FGF2: variants seen among roughly 807,000 people sequenced by gnomAD.
FGF2 encodes the protein basic fibroblast growth factor bFGF.
In FGF2, 13 loss-of-function variants were observed where a neutral mutation model predicts 15.9. That is an observed-to-expected ratio of 0.82 (90% CI 0.53 to 1.30). FGF2 has a LOEUF of 1.30. Among genes scored for constraint, FGF2 ranks in the 50% most tolerant of loss-of-function variants. The probability of loss-of-function intolerance (pLI) is 0.00; values close to 1 mark genes in which losing one functional copy is unlikely to be tolerated. For synonymous variants in FGF2, 90 were observed against 78.4 expected (o/e 1.15, Z -0.78); for missense variants, 163 against 196.9 (o/e 0.83, Z 1.03).
At chr4:122,876,496 T>C in intron 2 of FGF2, 72 bp downstream of exon 2, 1 of 930,532 alleles carries the variant, frequency 1.1e-6, no homozygotes, top group Non-Finnish European at 1.8e-6. Context: ...CATTGTTGTT[T>C]ATCAAATCTT....
rs1245179646 is a variant in FGF2 at position 122,893,735 on chromosome 4, A to G, written c.*1339A>G. The stretch of plus-strand genomic sequence containing the variant: ...TTTATAAGGTTGATTTTTCAATTAA[A>G]TGCAAATTTGTGTGGCAGGATTTTT... On this transcript the variant is annotated 3_prime_UTR_variant, in exon 3 of 3. Transcript: ENST00000644866. 6.6e-6 allele frequency: 1 copy of G among 152,256 alleles called. No individual in the cohort carries two copies. Among genetic ancestry groups the G allele is most frequent in the Non-Finnish European group, 1.5e-5 (1 of 68,068 alleles). 9.4% of individuals were successfully genotyped at this position (152,256 alleles called of 1,614,324 possible). A position where few individuals can be genotyped will look rare whatever the true frequency, so the allele number is the denominator to read the frequency against.
At chr4:122,847,002 G>A (rs1726126307) in intron 1 of FGF2, among the ~76,000 whole-genome samples, 1 of 152,236 alleles carries the variant, frequency 6.6e-6, no homozygotes, top group Non-Finnish European at 1.5e-5. Flanking sequence ...ATTACAAGGG[G>A]CGCATTCCTC....
At chr4:122,891,032 T>G (rs546560809) in intron 2 of FGF2, among the ~76,000 whole-genome samples, 4,300 of 120,948 alleles carry the variant, frequency 0.036, 136 homozygotes, top group Non-Finnish European at 0.044. Context: ...TTTTTTTTTT[T>G]TTTGTTTTGT....
At chr4:122,882,124 C>T (rs139285497) in intron 2 of FGF2, 3,307 of 152,290 alleles carry the variant, frequency 0.022, 62 homozygotes, top group Non-Finnish European at 0.036. Context: ...GGGTCCCTCC[C>T]GCAACACATG....
chr4:122,831,679 C>G (rs1164426905), intron 1 of FGF2, among the ~76,000 whole-genome samples: 1 of 152,150 alleles, frequency 6.6e-6, no homozygotes, highest in Non-Finnish European at 1.5e-5. Context: ...ACCTTAGGAG[C>G]CTTTTAAGAT....
intron 1 of FGF2, among the ~76,000 whole-genome samples, chr4:122,851,994 T>A (rs370119513): frequency 1.3e-5 from 2 of 152,358 alleles, no homozygotes; most frequent in South Asian, 4.1e-4. Context: ...GCAGTGTGTT[T>A]AGGATAGTAC....
In FGF2 at chr4:122,881,195, G is replaced by A. The variant is rs1726954444; in HGVS notation, c.282+4771G>A. On this transcript the variant is annotated intron_variant, in intron 2 of 2. Coordinates refer to ENST00000644866, the MANE Select transcript of FGF2 (RefSeq NM_001361665.2). The stretch of plus-strand genomic sequence containing the variant: ...TTTTTCCTTGTAAACCTCTGGGCCT[G>A]TGATGGGAAGGACTGCTGCAAAGGT... Among the ~76,000 whole-genome samples, 3 of 152,272 alleles carry A rather than the reference G, an allele frequency of 2.0e-5. No homozygotes were observed. In the South Asian group the frequency reaches 6.2e-4, roughly 32 times the overall value.
chr4:122,847,233 G>T lies in FGF2; in HGVS notation c.178+19881G>T, dbSNP rs144153877. On this transcript the variant is annotated intron_variant, in intron 1 of 2. Transcript: ENST00000644866. ...CTCCATGATGTATTTACTTTTCTAAGGTGAGAGAATTATAACCGTATTCTT... is the reference window on the plus strand; with the variant it reads ...CTCCATGATGTATTTACTTTTCTAATGTGAGAGAATTATAACCGTATTCTT... 5.3e-5 allele frequency among the ~76,000 whole-genome samples: 8 copies of T among 152,250 alleles called. No homozygotes were observed. The East Asian group carries it at 1.3e-3, about 26-fold the overall frequency.
chr4:122,889,093 T>TA (rs1472419386), intron 2 of FGF2: 1 of 152,202 alleles, frequency 6.6e-6, no homozygotes, highest in Non-Finnish European at 1.5e-5. Context: ...AGGTATCAAG[T>TA]AGATGTAAGG....
At position 122,894,757 on chromosome 4, in the gene FGF2, T is replaced by C. The variant is rs1297401965; in HGVS notation, c.*2361T>C. 3 of 152,198 alleles carry C rather than the reference T, an allele frequency of 2.0e-5. No individual in the cohort carries two copies. Among genetic ancestry groups the C allele is most frequent in the Admixed American group, 6.5e-5 (1 of 15,268 alleles). The allele number at this position is 152,198 out of a possible 1,614,324, so 9.4% of individuals were successfully genotyped here. On this transcript the variant is annotated 3_prime_UTR_variant, in exon 3 of 3. Transcript: ENST00000644866. ...TTCATTATGCTTTGAAAAATAATTA[T>C]GGGGAAATACATGTTTGTTATTAAA... is the stretch of plus-strand genomic sequence containing the variant.
Position 122,849,600 on chromosome 4 carries a change from T to C in FGF2, c.178+22248T>C, listed in dbSNP as rs184362458. 2.3e-3 allele frequency among the ~76,000 whole-genome samples: 326 copies of C among 142,752 alleles called. 1 individual carries two copies. The highest frequency in any genetic ancestry group is 7.1e-3 in the Middle Eastern group (2 of 282). The allele number at this position is 142,752 out of a possible 152,430, so 93.7% of individuals were successfully genotyped here. On this transcript the variant is annotated intron_variant, in intron 1 of 2. Coordinates refer to ENST00000644866, the MANE Select transcript of FGF2 (RefSeq NM_001361665.2). ...ATGTATCCCAGAACTTAAAGTAAAA[T>C]AAAAAAAAAAAGACAAATGTTCTAC...
At chr4:122,870,273 G>GGGATGTT (rs200379678) in intron 1 of FGF2, among the ~76,000 whole-genome samples, 2,564 of 152,286 alleles carry the variant, frequency 0.017, 38 homozygotes, top group Non-Finnish European at 0.026. Context: ...GTGTTCATCA[G>GGGATGTT]GGATGTTGGC....
intron 2 of FGF2, 67 bp downstream of exon 2, chr4:122,876,491 T>C (rs1028607704): frequency 1.3e-5 from 12 of 958,444 alleles, no homozygotes; most frequent in Non-Finnish European, 1.9e-5. Flanking sequence ...ACCAGCATTG[T>C]TGTTTATCAA....
intron 1 of FGF2, among the ~76,000 whole-genome samples, chr4:122,832,744 A>G (rs1725789649): frequency 6.6e-6 from 1 of 152,208 alleles, no homozygotes; most frequent in African/African-American, 2.4e-5. Flanking sequence ...TTATCAGTGT[A>G]GAGTTTTAGC....
chr4:122,889,977 G>T (rs1727135091), intron 2 of FGF2: 1 of 151,956 alleles, frequency 6.6e-6, no homozygotes, highest in African/African-American at 2.4e-5. Context: ...TTACCTCTGG[G>T]GAATCAGTCT....
Position 122,895,459 on chromosome 4 carries a change from G to A in FGF2, c.*3063G>A, listed in dbSNP as rs1727320599. On this transcript the variant is annotated 3_prime_UTR_variant, in exon 3 of 3. Transcript: ENST00000644866. ...AATTAGATTGAAATAAAATATAATG[G>A]GAAATAATCTGCAGAATGTGGGTTT... The A allele has an allele frequency of 6.6e-6, 1 of 152,016 alleles. No homozygotes were observed. The highest frequency in any genetic ancestry group is 2.4e-5 in the African/African-American group (1 of 41,402). The allele number at this position is 152,016 out of a possible 1,614,324, so 9.4% of individuals were successfully genotyped here.
At position 122,827,018 on chromosome 4, in the gene FGF2, C is replaced by CCGCGGG; in HGVS notation, c.-151_-146dup. 1.7e-6 allele frequency: 2 copies of CCGCGGG among 1,204,182 alleles called. No individual in the cohort carries two copies. The highest frequency in any genetic ancestry group is 6.8e-5 in the East Asian group (2 of 29,618). 74.6% of individuals were successfully genotyped at this position (1,204,182 alleles called of 1,614,324 possible). On this transcript the variant is annotated 5_prime_UTR_variant, in exon 1 of 3. Coordinates refer to ENST00000644866, the MANE Select transcript of FGF2 (RefSeq NM_001361665.2). This position sits in a 1 kb window ranked among gnomAD's most constrained non-coding sequence, Gnocchi z 4.2. ...GGCCGAGCGGCTCGAGGCTGGGGGA[C>CCGCGGG]CGCGGGCGCGGCCGCGCGCTGCCGG... is the stretch of plus-strand genomic sequence containing the variant.
chr4:122,873,026 C>G (rs1726772310), intron 1 of FGF2, among the ~76,000 whole-genome samples: 2 of 152,200 alleles, frequency 1.3e-5, no homozygotes, highest in Admixed American at 6.5e-5. Flanking sequence ...ACACATTTTG[C>G]TATTTTTCTA....
rs771405199 is a variant in FGF2, at chr4:122,897,722, AAC to A, written c.*5334_*5335del. 21 of 1,233,032 alleles carry A rather than the reference AAC, an allele frequency of 1.7e-5. No homozygotes were observed. Among genetic ancestry groups the A allele is most frequent in the African/African-American group, 3.0e-5 (2 of 67,586 alleles). 76.4% of individuals were successfully genotyped at this position (1,233,032 alleles called of 1,614,324 possible). A position where few individuals can be genotyped will look rare whatever the true frequency, so the allele number is the denominator to read the frequency against. Reference sequence around the variant, plus strand: ...AAATAAAGTTAACATAACTTTCACTAACACACACATATGTAGATTTCACAAAA... The same window carrying A: ...AAATAAAGTTAACATAACTTTCACTAACACACATATGTAGATTTCACAAAA... On this transcript the variant is annotated 3_prime_UTR_variant, in exon 3 of 3. Transcript: ENST00000644866.
Sources: allele counts gnomAD v4.1 joint callset (sites outside exome capture counted in the v4.1 genomes callset), GRCh38; gene constraint gnomAD v4.1.1; non-coding constraint Gnocchi (gnomAD v3.1); transcripts MANE v1.5; gene names NCBI Gene and HGNC (gene_info 2026-07-23, HGNC 2026-07-21).